Variants in RIF1 observed in about 807,000 individuals in gnomAD.
The protein encoded by RIF1 is replication timing regulatory factor 1.
A neutral mutation model predicts 247.1 loss-of-function variants in RIF1; 45 were observed. That is an observed-to-expected ratio of 0.18 (90% CI 0.14 to 0.23). The LOEUF is 0.23. RIF1 is among the 10% of genes least tolerant of loss of function. The pLI, the probability that RIF1 is intolerant of heterozygous loss-of-function variation, is 1.00. For missense variants in RIF1, 2,967 were observed against 2,862.5 expected (o/e 1.04, Z -0.83); for synonymous variants, 1,087 against 978.8 (o/e 1.11, Z -2.06).
chr2:151,469,856 G>A lies in RIF1; in HGVS notation c.7087G>A (p.Glu2363Lys). 2 of 1,598,908 alleles carry A rather than the reference G, an allele frequency of 1.3e-6. No individual in the cohort carries two copies. Among genetic ancestry groups the A allele is most frequent in the Non-Finnish European group, 1.7e-6 (2 of 1,174,728 alleles). Residue 2363 changes from glutamate (E) to lysine (K), a missense_variant, in exon 34 of 36, where the codon GAG becomes AAG. Glu to Lys is a moderately conservative substitution (Grantham distance 56). Transcript: ENST00000444746. Reference protein sequence around the residue: ...NVKKALRIYHEQQVKTRGLEE... With the variant: ...NVKKALRIYHKQQVKTRGLEE... ...AAAAAAGGCTCTCAGAATATATCAT[G>A]AGCAGCAGGTAAAAACTTAGATATT...
At chr2:151,410,365 C>CT in intron 1 of RIF1, 49 bp from the exon 2 acceptor site, 2 of 1,479,390 alleles carry the variant, frequency 1.4e-6, no homozygotes, top group Non-Finnish European at 1.9e-6. Context: ...CGCCGCGGGG[C>CT]TGTTTCCATC....
rs2152506658 is a variant in RIF1 at position 151,466,112 on chromosome 2, G to C, written c.6592G>C (p.Val2198Leu). 6.4e-7 allele frequency: 1 copy of C among 1,568,314 alleles called. No individual in the cohort carries two copies. The highest frequency in any genetic ancestry group is 8.7e-7 in the Non-Finnish European group (1 of 1,149,962). The change falls in exon 30 of 36, where the codon GTT becomes CTT. Residue 2198 changes from valine (V) to leucine (L), a missense_variant. By Grantham distance (32) the Val-to-Leu change is conservative. Transcript: ENST00000444746. ...CCAAGAAGATGAAATCTCATCACCT[G>C]TTAATAAGGTAAGGGGAATGAGGCT... ...RSQEDEISSP[V>L]NKVRRVSFAD... is the part of the protein sequence containing the mutation.
At chr2:151,430,470 C>T (rs552244558) in intron 9 of RIF1, among the ~76,000 whole-genome samples, 8 of 151,400 alleles carry the variant, frequency 5.3e-5, no homozygotes, top group East Asian at 2.0e-4. Flanking sequence ...GACAGGCGCC[C>T]GCTGCCACGT....
intron 1 of RIF1, 187 bp downstream of exon 1, chr2:151,410,220 G>T: frequency 1.6e-6 from 1 of 634,602 alleles, no homozygotes; most frequent in Non-Finnish European, 2.8e-6. Context: ...TGTGGCGTGG[G>T]CTCAGGTGTC....
intron 10 of RIF1, chr2:151,497,417 A>G (rs1575006845): frequency 4.1e-6 from 4 of 978,004 alleles, no homozygotes; most frequent in Non-Finnish European, 4.9e-6. Context: ...AAAATACCAG[A>G]TGAAATAAAA....
intron 11 of RIF1, among the ~76,000 whole-genome samples, chr2:151,499,909 A>G (rs1476398548): frequency 6.6e-6 from 1 of 152,218 alleles, no homozygotes; most frequent in Non-Finnish European, 1.5e-5. Context: ...CTTATGCACC[A>G]CTGGGCAATT....
chr2:151,525,158 CT>C, the RIF1 span: 1 of 1,608,150 alleles, frequency 6.2e-7, no homozygotes, highest in Non-Finnish European at 8.5e-7. Context: ...AGAGGGAAAA[CT>C]TACATCACTT....
At chr2:151,527,629 T>C in the RIF1 span, 22 of 1,403,538 alleles carry the variant, frequency 1.6e-5, no homozygotes, top group African/African-American at 3.0e-4. Flanking sequence ...TTCAGTAGGC[T>C]AAATTCATAA....
chr2:151,488,585 G>A (rs951154055), intron 9 of RIF1, among the ~76,000 whole-genome samples: 1 of 152,058 alleles, frequency 6.6e-6, no homozygotes, highest in Non-Finnish European at 1.5e-5. Context: ...AGTCGAGACT[G>A]CAGCGAGCTG....
In RIF1 at chr2:151,463,634, A is replaced by G; in HGVS notation, c.4114A>G (p.Thr1372Ala). ...VENAVLLETN[T>A]VEEKNVEINL... ...AAATGCTGTATTATTGGAAACTAAT[A>G]CTGTAGAGGAGAAAAATGTAGAAAT... The change falls in exon 30 of 36, where the codon ACT becomes GCT. Residue 1372 changes from threonine (T) to alanine (A), a missense_variant. Coordinates refer to ENST00000444746, the MANE Select transcript of RIF1 (RefSeq NM_018151.5). The G allele has an allele frequency of 6.2e-7, 1 of 1,613,808 alleles. No individual in the cohort carries two copies. Among genetic ancestry groups the G allele is most frequent in the Non-Finnish European group, 8.5e-7 (1 of 1,179,886 alleles).
chr2:151,422,563 G>C (rs563882617), intron 7 of RIF1, among the ~76,000 whole-genome samples: 1 of 151,326 alleles, frequency 6.6e-6, no homozygotes, highest in African/African-American at 2.4e-5. Flanking sequence ...ACAGTGGCAC[G>C]ATTTCTGCTC....
intron 19 of RIF1, among the ~76,000 whole-genome samples, chr2:151,446,213 G>A (rs1373363612): frequency 2.6e-5 from 4 of 151,730 alleles, no homozygotes; most frequent in Admixed American, 2.6e-4. Context: ...TCGCCATGTT[G>A]ACCTCGAACT....
chr2:151,440,202 C>G, intron 15 of RIF1, 75 bp downstream of exon 15: 1 of 835,814 alleles, frequency 1.2e-6, no homozygotes, highest in South Asian at 1.5e-5. Flanking sequence ...GATATTTGCA[C>G]AAATCTAGTT....
Position 151,475,164 on chromosome 2 carries a change from G to T in RIF1, c.*93G>T. 1 of 863,326 alleles carries T rather than the reference G, an allele frequency of 1.2e-6. No individual in the cohort carries two copies. 53.5% of individuals were successfully genotyped at this position (863,326 alleles called of 1,614,324 possible). On this transcript the variant is annotated 3_prime_UTR_variant, in exon 36 of 36. Transcript: ENST00000444746. ...GAAATAATAGCACAATTTCAAAGAA[G>T]AGACTCTTTGCAAAGTTGATAACAT...
At chr2:151,455,999 AT>A (rs1365890131) in intron 22 of RIF1, among the ~76,000 whole-genome samples, 1 of 152,106 alleles carries the variant, frequency 6.6e-6, no homozygotes, top group East Asian at 1.9e-4. Flanking sequence ...GGGTATACAC[AT>A]TTATGTGTCT....
Position 151,478,418 on chromosome 2 carries a change from G to A in RIF1, c.*3347G>A, listed in dbSNP as rs775852455. Reference sequence around the variant, plus strand: ...TGAGAATTGCTTGAACCTTTTAGGCGGAGGTTGCAGTGAGCCGAGATCATG... The same window carrying A: ...TGAGAATTGCTTGAACCTTTTAGGCAGAGGTTGCAGTGAGCCGAGATCATG... On this transcript the variant is annotated 3_prime_UTR_variant, in exon 36 of 36. Coordinates refer to ENST00000444746, the MANE Select transcript of RIF1 (RefSeq NM_018151.5). 2.0e-5 allele frequency: 3 copies of A among 151,918 alleles called. No homozygotes were observed. Among genetic ancestry groups the A allele is most frequent in the Non-Finnish European group, 2.9e-5 (2 of 68,006 alleles). The allele number at this position is 151,918 out of a possible 1,614,324, so 9.4% of individuals were successfully genotyped here.
At chr2:151,493,495 C>T in intron 9 of RIF1, 1 of 1,246,462 alleles carries the variant, frequency 8.0e-7, no homozygotes, top group East Asian at 2.4e-5. Flanking sequence ...AAAACCAGGT[C>T]TGAAAATCAT....
chr2:151,446,646 A>C, intron 20 of RIF1, 71 bp downstream of exon 20: 2 of 1,461,398 alleles, frequency 1.4e-6, no homozygotes. Context: ...TGGAGATAAT[A>C]TTTGTGAACT....
rs373572044 is a variant in RIF1 at position 151,472,190 on chromosome 2, T to G, written c.7096-1774T>G. On this transcript the variant is annotated intron_variant, in intron 34 of 35. Coordinates refer to ENST00000444746, the MANE Select transcript of RIF1 (RefSeq NM_018151.5). The stretch of plus-strand genomic sequence containing the variant: ...TCTGTTTGTCTGTTATTGATGTATA[T>G]GAATGCTTGTGATTTTTGCACATTG... Among the ~76,000 whole-genome samples, 8 of 152,166 alleles carry G rather than the reference T, an allele frequency of 5.3e-5. No individual in the cohort carries two copies. In the East Asian group the frequency reaches 1.4e-3, roughly 26 times the overall value.
Sources: allele counts gnomAD v4.1 joint callset (sites outside exome capture counted in the v4.1 genomes callset), GRCh38; gene constraint gnomAD v4.1.1; transcripts MANE v1.5; gene names NCBI Gene and HGNC (gene_info 2026-07-23, HGNC 2026-07-21).